Variants in MIPOL1 observed in about 807,000 individuals in gnomAD.
MIPOL1 encodes the protein mirror-image polydactyly 1, also known as mirror-image polydactyly gene 1 protein.
Under a neutral mutation model 60.9 loss-of-function variants are expected in MIPOL1, and 57 were observed. The observed-to-expected ratio is 0.94, with a 90% CI of 0.76 to 1.17. The LOEUF (loss-of-function observed/expected upper bound fraction) is 1.17, where lower values mean the gene tolerates loss of function less well. MIPOL1 is among the 50% of genes most tolerant of loss of function. The pLI is 0.00. For synonymous variants in MIPOL1, 179 were observed against 168.8 expected, an observed-to-expected ratio of 1.06 and a Z score of -0.47; for missense variants, 551 against 511.6, an observed-to-expected ratio of 1.08 and a Z score of -0.74.
chr14:37,482,550 C>T (rs923103953), intron 11 of MIPOL1, among the ~76,000 whole-genome samples: 1 of 152,076 alleles, frequency 6.6e-6, no homozygotes, highest in Non-Finnish European at 1.5e-5. Flanking sequence ...AAGCAAGGAC[C>T]TTCTTCACAT....
At chr14:37,292,073 C>G (rs2085120495) in intron 7 of MIPOL1, among the ~76,000 whole-genome samples, 1 of 151,796 alleles carries the variant, frequency 6.6e-6, no homozygotes, top group South Asian at 2.1e-4. Flanking sequence ...CTACAGGCGC[C>G]TGCCACCATG....
rs1460600862 is a variant in MIPOL1 at position 37,549,605 on chromosome 14, A to T, written c.*2634A>T. 1 of 151,904 alleles carries T rather than the reference A, an allele frequency of 6.6e-6. No individual in the cohort carries two copies. The highest frequency in any genetic ancestry group is 1.5e-5 in the Non-Finnish European group (1 of 67,818). 9.4% of individuals were successfully genotyped at this position (151,904 alleles called of 1,614,324 possible). On this transcript the variant is annotated 3_prime_UTR_variant, in exon 13 of 13. Coordinates refer to ENST00000684589, the MANE Select transcript of MIPOL1 (RefSeq NM_001388067.1). ...AATCTCTCTGTAAGAAAAAAATTTC[A>T]AAGTAAAGATTTTACTCTTGCAATT...
At chr14:37,201,819 TA>T (rs1348969669) in intron 1 of MIPOL1, among the ~76,000 whole-genome samples, 3 of 152,176 alleles carry the variant, frequency 2.0e-5, no homozygotes, top group Non-Finnish European at 2.9e-5. Context: ...TAACACTTTC[TA>T]GGTATTTGTT....
intron 10 of MIPOL1, chr14:37,400,598 G>A (rs1390731957): frequency 6.6e-6 from 1 of 152,078 alleles, no homozygotes; most frequent in African/African-American, 2.4e-5. Context: ...CACTTGTATG[G>A]AAGGAAAACA....
chr14:37,367,206 CAG>C (rs10606554), intron 9 of MIPOL1, among the ~76,000 whole-genome samples: 33,099 of 151,654 alleles, frequency 0.22, 4,057 homozygotes, highest in South Asian at 0.35. Context: ...TTCAAAATTG[CAG>C]AGTTTAATAA....
intron 12 of MIPOL1, 110 bp from the exon 13 acceptor site, chr14:37,546,795 C>A: frequency 1.2e-6 from 1 of 806,770 alleles, no homozygotes; most frequent in Non-Finnish European, 2.1e-6. Flanking sequence ...TTAACATGAC[C>A]GTGAGGACTG....
intron 12 of MIPOL1, among the ~76,000 whole-genome samples, chr14:37,544,611 T>G (rs1416597608): frequency 1.3e-5 from 2 of 152,208 alleles, no homozygotes; most frequent in Admixed American, 1.3e-4. Context: ...TCTACCTTCC[T>G]GTTGGCACAG....
chr14:37,417,724 A>G (rs1363194429), intron 10 of MIPOL1, among the ~76,000 whole-genome samples: 1 of 152,184 alleles, frequency 6.6e-6, no homozygotes, highest in African/African-American at 2.4e-5. Context: ...ACCCAATTAT[A>G]TATTTTATAG....
chr14:37,258,150 G>A (rs1271002105), intron 3 of MIPOL1, among the ~76,000 whole-genome samples: 2 of 152,092 alleles, frequency 1.3e-5, no homozygotes, highest in Non-Finnish European at 2.9e-5. Flanking sequence ...CTTAGTATCT[G>A]ACTGGTGATT....
At chr14:37,443,320 A>G (rs2094279328) in intron 11 of MIPOL1, among the ~76,000 whole-genome samples, 2 of 151,832 alleles carry the variant, frequency 1.3e-5, no homozygotes, top group African/African-American at 4.8e-5. Flanking sequence ...TTAGCTAGGC[A>G]TGGTGGTGTG....
At chr14:37,321,213 A>T (rs1300229010) in intron 9 of MIPOL1, among the ~76,000 whole-genome samples, 1 of 151,924 alleles carries the variant, frequency 6.6e-6, no homozygotes, top group Non-Finnish European at 1.5e-5. Context: ...CATGAAAATG[A>T]TTACTTTTTT....
intron 12 of MIPOL1, among the ~76,000 whole-genome samples, chr14:37,531,743 A>G (rs1054045158): frequency 5.9e-5 from 9 of 152,208 alleles, no homozygotes; most frequent in African/African-American, 1.9e-4. Context: ...GTTTGTGGCT[A>G]TTCTCTTAGC....
chr14:37,426,244 A>G (rs8004737), intron 11 of MIPOL1, among the ~76,000 whole-genome samples: 1 of 151,876 alleles, frequency 6.6e-6, no homozygotes, highest in Non-Finnish European at 1.5e-5. Flanking sequence ...AAGAATAGCT[A>G]TATTTGTAAA....
At chr14:37,326,687 T>G (rs2089194718) in intron 9 of MIPOL1, among the ~76,000 whole-genome samples, 1 of 152,146 alleles carries the variant, frequency 6.6e-6, no homozygotes, top group African/African-American at 2.4e-5. Flanking sequence ...CTTGCAGAAC[T>G]TCCATGCCTG....
At chr14:37,466,455 T>C (rs990347804) in intron 11 of MIPOL1, among the ~76,000 whole-genome samples, 10 of 152,190 alleles carry the variant, frequency 6.6e-5, no homozygotes, top group African/African-American at 2.4e-4. Flanking sequence ...AAGAATCCTT[T>C]AACATATCAG....
chr14:37,296,448 T>C (rs1179800430), intron 7 of MIPOL1, among the ~76,000 whole-genome samples: 1 of 151,874 alleles, frequency 6.6e-6, no homozygotes, highest in Non-Finnish European at 1.5e-5. Context: ...AAGAAATAAC[T>C]AAGATCAGAG....
chr14:37,497,294 G>T (rs1372555531), intron 11 of MIPOL1, among the ~76,000 whole-genome samples: 3 of 152,192 alleles, frequency 2.0e-5, no homozygotes, highest in African/African-American at 7.2e-5. Flanking sequence ...ATTGACAAAT[G>T]GGATCTAATC....
At chr14:37,479,612 A>G (rs1029187667) in intron 11 of MIPOL1, among the ~76,000 whole-genome samples, 11 of 152,284 alleles carry the variant, frequency 7.2e-5, no homozygotes, top group African/African-American at 2.4e-4. Flanking sequence ...ATAAGTAACA[A>G]GATTTCTCCT....
At chr14:37,206,176 G>A (rs936609833) in intron 1 of MIPOL1, among the ~76,000 whole-genome samples, 3 of 152,030 alleles carry the variant, frequency 2.0e-5, no homozygotes, top group Non-Finnish European at 4.4e-5. Context: ...GGCCTAGGAG[G>A]AAAAAATGGT....
Sources: gnomAD v4.1 joint callset for allele counts (sites outside exome capture counted in the v4.1 genomes callset) on GRCh38, gnomAD v4.1.1 for gene constraint, MANE v1.5 for transcripts, NCBI Gene and HGNC (gene_info 2026-07-23, HGNC 2026-07-21) for gene names.